IKBKB: variants seen among roughly 807,000 people sequenced by gnomAD.
The protein encoded by IKBKB is inhibitor of nuclear factor kappa B kinase subunit beta, also known as inhibitor of nuclear factor kappa-B kinase subunit beta.
IKBKB carries 42 observed loss-of-function variants against 113.6 expected under a neutral mutation model. That is an observed-to-expected ratio of 0.37 (90% CI 0.29 to 0.48). The LOEUF (loss-of-function observed/expected upper bound fraction) is 0.48. IKBKB is among the 20% of genes least tolerant of loss of function. The pLI is 0.99. For missense variants in IKBKB, 673 were observed against 939.7 expected, an observed-to-expected ratio of 0.72 and a Z score of 3.71; for synonymous variants, 296 against 361.3, an observed-to-expected ratio of 0.82 and a Z score of 2.05.
intron 6 of IKBKB, 57 bp downstream of exon 6, chr8:42,305,332 G>A (rs1197012770): frequency 7.7e-6 from 8 of 1,040,038 alleles, no homozygotes; most frequent in Non-Finnish European, 1.2e-5. Flanking sequence ...GAAGTGGCCT[G>A]GGAGGAAAGG....
intron 7 of IKBKB, 86 bp from the exon 8 acceptor site, chr8:42,308,815 G>T: frequency 3.0e-6 from 4 of 1,348,764 alleles, no homozygotes; most frequent in Middle Eastern, 1.8e-4. Context: ...GAAGCCAGGG[G>T]TGAAAGCAGA....
chr8:42,305,234 C>A lies in IKBKB; in HGVS notation c.436C>A (p.Leu146Ile). Residue 146 changes from leucine to isoleucine, a missense_variant, in exon 6 of 22, where the codon CTA becomes ATA. By Grantham distance (5) the Leu-to-Ile change is conservative (BLOSUM62 2). Coordinates refer to ENST00000520810, the MANE Select transcript of IKBKB (RefSeq NM_001556.3). ...LHENRIIHRD[L>I]KPENIVLQQG... Reference sequence around the variant, plus strand: ...TGAAAACAGAATCATCCATCGGGATCTAAAGCCAGAAAACATCGTCCTGCA... The same window carrying A: ...TGAAAACAGAATCATCCATCGGGATATAAAGCCAGAAAACATCGTCCTGCA... 1 of 1,613,976 alleles carries A rather than the reference C, an allele frequency of 6.2e-7. No individual in the cohort carries two copies. Among genetic ancestry groups the A allele is most frequent in the Non-Finnish European group, 8.5e-7 (1 of 1,179,874 alleles).
chr8:42,318,527 C>T (rs1359343128), intron 12 of IKBKB, 25 bp from the exon 13 acceptor site: 8 of 1,607,690 alleles, frequency 5.0e-6, no homozygotes, highest in Non-Finnish European at 6.8e-6. Flanking sequence ...TATTCTTTGA[C>T]AATTGCTTGT....
At chr8:42,321,603 C>A (rs1022610654) in intron 16 of IKBKB, 1 of 336,294 alleles carries the variant, frequency 3.0e-6, no homozygotes, top group Admixed American at 4.4e-5. Flanking sequence ...CTCACTGCAG[C>A]CTCGACCTCC....
At position 42,314,774 on chromosome 8, in the gene IKBKB, CAAAAAAAAA is replaced by C. The variant is rs915998732; in HGVS notation, c.800+352_800+360del. Reference sequence around the variant, plus strand: ...TGGGAGACAGAGTGAGACTCCATCTCAAAAAAAAAAAAAAAGAAAAAAGAAATTCAAGTC... The same window carrying C: ...TGGGAGACAGAGTGAGACTCCATCTCAAAAAAGAAAAAAGAAATTCAAGTC... On this transcript the variant is annotated intron_variant, in intron 9 of 21. Transcript: ENST00000520810. 1.7e-3 allele frequency among the ~76,000 whole-genome samples: 188 copies of C among 112,840 alleles called. 3 individuals are homozygous for C. In the Middle Eastern group the frequency reaches 0.033, roughly 20 times the overall value. 74.0% of individuals were successfully genotyped at this position (112,840 alleles called of 152,430 possible). A position where few individuals can be genotyped will look rare whatever the true frequency, so the allele number is the denominator to read the frequency against.
intron 8 of IKBKB, among the ~76,000 whole-genome samples, 173 bp downstream of exon 8, chr8:42,309,198 A>G (rs995692044): frequency 6.6e-6 from 1 of 152,226 alleles, no homozygotes. Context: ...CTGTGCTCCA[A>G]GGACCTGTTA....
chr8:42,321,081 AG>A (rs1819696294), intron 16 of IKBKB: 1 of 419,162 alleles, frequency 2.4e-6, no homozygotes, highest in African/African-American at 2.1e-5. Flanking sequence ...AATGCATTTG[AG>A]ACGCAGGCCA....
chr8:42,303,550 T>A (rs1302657089), intron 5 of IKBKB, among the ~76,000 whole-genome samples: 1 of 151,996 alleles, frequency 6.6e-6, no homozygotes, highest in Non-Finnish European at 1.5e-5. Context: ...GTCACCCAGG[T>A]TGGAGTGCAG....
rs17875678 is a variant in IKBKB, at chr8:42,290,279, G to T, written c.318+6G>T. 92 of 1,589,626 alleles carry T rather than the reference G, an allele frequency of 5.8e-5. No homozygotes were observed. The African/African-American group carries it at 9.4e-4, about 16-fold the overall frequency. ...AAGGAGGAGATCTCCGGAAGGTGAG[G>T]CTCCCACGGCTGCCAGGTGCACAGC... On this transcript the variant is annotated splice_donor_region_variant and intron_variant, in intron 4 of 21. Transcript: ENST00000520810.
chr8:42,298,601 A>G (rs1236896883), intron 5 of IKBKB: 2 of 464,176 alleles, frequency 4.3e-6, no homozygotes, highest in Non-Finnish European at 2.8e-6. Context: ...TTTGGAAAGC[A>G]TAAGTAACCA....
chr8:42,287,825 G>A (rs1811721747), intron 2 of IKBKB, among the ~76,000 whole-genome samples: 1 of 152,082 alleles, frequency 6.6e-6, no homozygotes, highest in Non-Finnish European at 1.5e-5. Context: ...TTATGCTTGC[G>A]TTCTCTCTGA....
Position 42,290,531 on chromosome 8 carries a change from G to A in IKBKB, c.318+258G>A, listed in dbSNP as rs2294098. On this transcript the variant is annotated intron_variant, in intron 4 of 21. Coordinates refer to ENST00000520810, the MANE Select transcript of IKBKB (RefSeq NM_001556.3). ...CACACTCTGCTGGGATTACTCCAAT[G>A]ACAAGGAAAACTCATCACAGGTCTG... Among the ~76,000 whole-genome samples the A allele has an allele frequency of 0.21, 32,239 of 152,026 alleles. 7,940 individuals are homozygous for A. The highest frequency in any genetic ancestry group is 0.6 in the African/African-American group (24,825 of 41,404).
chr8:42,279,979 G>A (rs529630872), intron 2 of IKBKB, among the ~76,000 whole-genome samples: 1 of 152,252 alleles, frequency 6.6e-6, no homozygotes, highest in South Asian at 2.1e-4. Context: ...CTCCTGAGTA[G>A]CTGGGACTAC....
At chr8:42,304,685 A>G (rs535966343) in intron 5 of IKBKB, among the ~76,000 whole-genome samples, 1 of 152,354 alleles carries the variant, frequency 6.6e-6, no homozygotes. Flanking sequence ...ACTGTCGATC[A>G]TATGACCATA....
In IKBKB at chr8:42,316,769, T is replaced by C. The variant is rs2130638355; in HGVS notation, c.990T>C (p.Asp330=). The C allele has an allele frequency of 1.2e-6, 2 of 1,614,072 alleles. No homozygotes were observed. The highest frequency in any genetic ancestry group is 4.5e-5 in the East Asian group (2 of 44,870). Reference sequence around the variant, plus strand: ...TCCACACCTACCCTGTGACAGAGGATGAGAGTCTGCAGAGCTTGAAGGCCA... The same window carrying C: ...TCCACACCTACCCTGTGACAGAGGACGAGAGTCTGCAGAGCTTGAAGGCCA... ...GTIHTYPVTE[D]ESLQSLKARI... The change falls in exon 11 of 22, where the codon GAT becomes GAC. Residue 330 remains aspartate, a synonymous_variant. Coordinates refer to ENST00000520810, the MANE Select transcript of IKBKB (RefSeq NM_001556.3). This position sits in a 1 kb window ranked among gnomAD's most constrained non-coding sequence, Gnocchi z 4.5.
At chr8:42,271,756 C>G (rs571846331) in intron 1 of IKBKB, 7 of 500,396 alleles carry the variant, frequency 1.4e-5, no homozygotes, top group Non-Finnish European at 3.5e-6. Context: ...CCTGCCACCT[C>G]GGGCAGAAGG....
chr8:42,275,066 A>G (rs530736459), intron 2 of IKBKB, among the ~76,000 whole-genome samples: 43 of 147,604 alleles, frequency 2.9e-4, no homozygotes, highest in African/African-American at 1.1e-3. Context: ...TAGTAGAGAC[A>G]GGGTTTTACC....
chr8:42,311,828 A>G (rs1817764100), intron 8 of IKBKB, among the ~76,000 whole-genome samples: 1 of 152,234 alleles, frequency 6.6e-6, no homozygotes, highest in African/African-American at 2.4e-5. Context: ...CACACTTTAT[A>G]GTATACGCAT....
chr8:42,325,767 A>G (rs1037301702), intron 19 of IKBKB: 8 of 1,392,314 alleles, frequency 5.7e-6, no homozygotes, highest in African/African-American at 2.9e-5. Flanking sequence ...CCTTTCCTCA[A>G]AAGTCTCCGT....
Sources: gnomAD v4.1 joint callset for allele counts (sites outside exome capture counted in the v4.1 genomes callset) on GRCh38, gnomAD v4.1.1 for gene constraint, Gnocchi (gnomAD v3.1) non-coding constraint, MANE v1.5 for transcripts, NCBI Gene and HGNC (gene_info 2026-07-23, HGNC 2026-07-21) for gene names.